The following GCNT3 variants were observed in gnomAD, a reference collection of about 807,000 sequenced individuals.
GCNT3 encodes glucosaminyl (N-acetyl) transferase 3, mucin type.
For synonymous variants in GCNT3, 269 were observed against 195.2 expected (o/e 1.38, Z -3.15); for missense variants, 708 against 530.3 (o/e 1.34, Z -3.29).
Position 59,620,623 on chromosome 15 carries a change from C to T in GCNT3, c.*1068C>T, listed in dbSNP as rs1387668903. The T allele has an allele frequency of 1.8e-5, 3 of 166,990 alleles. No homozygotes were observed. The highest frequency in any genetic ancestry group is 7.2e-5 in the African/African-American group (3 of 41,402). The allele number at this position is 166,990 out of a possible 1,614,324, so 10.3% of individuals were successfully genotyped here. A position where few individuals can be genotyped will look rare whatever the true frequency, so the allele number is the denominator to read the frequency against. On this transcript the variant is annotated 3_prime_UTR_variant, in exon 3 of 3. Coordinates refer to ENST00000396065, the MANE Select transcript of GCNT3 (RefSeq NM_004751.3). ...TTTGACCACCTTTCCTGTACTCTTA[C>T]AGGAAAATCGCAGCACTAATTCTAA...
At position 59,619,365 on chromosome 15, in the gene GCNT3, G is replaced by T. The variant is rs748094489; in HGVS notation, c.1127G>T (p.Gly376Val). 5.0e-6 allele frequency: 8 copies of T among 1,614,084 alleles called. No homozygotes were observed. The South Asian group carries it at 8.8e-5, about 18-fold the overall frequency. Reference sequence around the variant, plus strand: ...GGTCATGAGGGAGACATCGATAAGGGTGCTCCTTATGCTCCCTGCTCTGGA... The same window carrying T: ...GGTCATGAGGGAGACATCGATAAGGTTGCTCCTTATGCTCCCTGCTCTGGA... ...WQGHEGDIDK[G>V]APYAPCSGIH... The change falls in exon 3 of 3, where the codon GGT (glycine) becomes GTT (valine). Residue 376 changes from glycine (G) to valine (V), a missense_variant. Gly to Val is a moderately radical substitution (Grantham distance 109). Coordinates refer to ENST00000396065, the MANE Select transcript of GCNT3 (RefSeq NM_004751.3).
intron 2 of GCNT3, among the ~76,000 whole-genome samples, chr15:59,617,166 TTTTCTTTC>T (rs796635392): frequency 9.9e-5 from 14 of 141,224 alleles, no homozygotes; most frequent in African/African-American, 3.0e-4. Context: ...TTTTCTTTTG[TTTTCTTTC>T]TTTCTTTTTT....
intron 2 of GCNT3, among the ~76,000 whole-genome samples, chr15:59,617,214 C>T (rs140556952): frequency 2.0e-3 from 237 of 118,630 alleles, no homozygotes; most frequent in African/African-American, 6.7e-3. Context: ...TGGTCTTCAT[C>T]GGACAGTGAA....
chr15:59,614,790 C>G (rs2082712093), intron 1 of GCNT3, among the ~76,000 whole-genome samples: 1 of 152,184 alleles, frequency 6.6e-6, no homozygotes, highest in Admixed American at 6.5e-5. Context: ...GCTAATGCAG[C>G]CCAGTAGGTC....
rs1181408267 is a variant in GCNT3, at chr15:59,618,370, C to A, written c.132C>A (p.Ser44=). The change falls in exon 3 of 3, where the codon TCC becomes TCA. Residue 44 remains serine (S), a synonymous_variant. Transcript: ENST00000396065. ...KCDSDHLGLE[S]RESQSQYCRN... is the part of the protein sequence containing the mutation. The stretch of plus-strand genomic sequence containing the variant: ...ACTCTGACCACTTGGGTCTGGAGTC[C>A]AGGGAATCTCAAAGCCAGTACTGTA... The A allele has an allele frequency of 6.2e-7, 1 of 1,613,842 alleles. No individual in the cohort carries two copies. Among genetic ancestry groups the A allele is most frequent in the African/African-American group, 1.3e-5 (1 of 74,884 alleles).
Position 59,621,991 on chromosome 15 carries a change from C to T in GCNT3, c.*2436C>T, listed in dbSNP as rs926584146. 6.6e-6 allele frequency: 1 copy of T among 151,890 alleles called. No homozygotes were observed. Among genetic ancestry groups the T allele is most frequent in the Admixed American group, 6.6e-5 (1 of 15,254 alleles). The allele number at this position is 151,890 out of a possible 1,614,324, so 9.4% of individuals were successfully genotyped here. A position where few individuals can be genotyped will look rare whatever the true frequency, so the allele number is the denominator to read the frequency against. On this transcript the variant is annotated 3_prime_UTR_variant, in exon 3 of 3. Transcript: ENST00000396065. ...GTAACTCTGACAGTTATCACTGTGT[C>T]TGACACAGTGAATTTTTTATTTATA...
Position 59,616,886 on chromosome 15 carries a change from G to T in GCNT3, c.-61+5G>T, listed in dbSNP as rs2082721968. The stretch of plus-strand genomic sequence containing the variant: ...GCAGGAGAGAAGCTACTAAAGGTGA[G>T]AATTTTCTTCATTTTTCATTTTCCT... On this transcript the variant is annotated splice_donor_5th_base_variant and intron_variant, in intron 2 of 2. Coordinates refer to ENST00000396065, the MANE Select transcript of GCNT3 (RefSeq NM_004751.3). 6.6e-6 allele frequency: 1 copy of T among 152,090 alleles called. No individual in the cohort carries two copies. Among genetic ancestry groups the T allele is most frequent in the Non-Finnish European group, 1.5e-5 (1 of 68,024 alleles). The allele number at this position is 152,090 out of a possible 1,614,324, so 9.4% of individuals were successfully genotyped here.
rs772825180 is a variant in GCNT3, at chr15:59,618,502, C to T, written c.264C>T (p.Asn88=). 9 of 1,614,148 alleles carry T rather than the reference C, an allele frequency of 5.6e-6. No individual in the cohort carries two copies. The South Asian group carries it at 8.8e-5, about 16-fold the overall frequency. The change falls in exon 3 of 3, where the codon AAC becomes AAT. Residue 88 remains asparagine, a synonymous_variant. Coordinates refer to ENST00000396065, the MANE Select transcript of GCNT3 (RefSeq NM_004751.3). Reference sequence around the variant, plus strand: ...CAGTGCTTCAGGCTATTCTGAATAACCTGGAGGTCAAGAAGAAGCGAGAGC... The same window carrying T: ...CAGTGCTTCAGGCTATTCTGAATAATCTGGAGGTCAAGAAGAAGCGAGAGC... The part of the protein sequence containing the change: ...QEAVLQAILN[N]LEVKKKREPF...
chr15:59,620,974 C>CCCA lies in GCNT3; in HGVS notation c.*1420_*1422dup, dbSNP rs1890917114. ...TCTTGGCTCACTGAAGCCTCTGCCT[C>CCCA]CCAGGTTCAAGTGATTCTCCCCCCA... is the stretch of plus-strand genomic sequence containing the variant. On this transcript the variant is annotated 3_prime_UTR_variant, in exon 3 of 3. Coordinates refer to ENST00000396065, the MANE Select transcript of GCNT3 (RefSeq NM_004751.3). 1.4e-5 allele frequency: 2 copies of CCCA among 145,028 alleles called. No individual in the cohort carries two copies. Among genetic ancestry groups the CCCA allele is most frequent in the African/African-American group, 5.1e-5 (2 of 39,548 alleles). The allele number at this position is 145,028 out of a possible 1,614,324, so 9.0% of individuals were successfully genotyped here. A position where few individuals can be genotyped will look rare whatever the true frequency, so the allele number is the denominator to read the frequency against.
chr15:59,617,436 G>A (rs1217507745), intron 2 of GCNT3, among the ~76,000 whole-genome samples: 2 of 151,842 alleles, frequency 1.3e-5, no homozygotes, highest in Non-Finnish European at 2.9e-5. Flanking sequence ...TATAAAAGAG[G>A]CTTAATAATA....
intron 2 of GCNT3, among the ~76,000 whole-genome samples, 195 bp downstream of exon 2, chr15:59,617,076 C>A (rs1313223567): frequency 2.0e-5 from 3 of 151,640 alleles, no homozygotes; most frequent in African/African-American, 7.3e-5. Context: ...TACTGATATT[C>A]AGTACCCTTT....
At chr15:59,612,500 T>G (rs1399207566) in intron 1 of GCNT3, among the ~76,000 whole-genome samples, 3 of 152,176 alleles carry the variant, frequency 2.0e-5, no homozygotes, top group Non-Finnish European at 1.5e-5. Flanking sequence ...GGCTGTTGGA[T>G]AAATTTGCTT....
Position 59,619,232 on chromosome 15 carries a change from C to G in GCNT3, c.994C>G (p.Leu332Val). 1 of 1,614,024 alleles carries G rather than the reference C, an allele frequency of 6.2e-7. No individual in the cohort carries two copies. Among genetic ancestry groups the G allele is most frequent in the Non-Finnish European group, 8.5e-7 (1 of 1,179,962 alleles). The change falls in exon 3 of 3, where the codon CTC (leucine) becomes GTC (valine). Residue 332 changes from leucine (L) to valine (V), a missense_variant. Leu to Val is a conservative substitution (Grantham distance 32). Transcript: ENST00000396065. ...VKDTYSPDEH[L>V]WATLQRARWM... ...AGACACTTATAGCCCAGATGAACAC[C>G]TCTGGGCCACCCTTCAGCGTGCACG...
chr15:59,620,735 T>G lies in GCNT3; in HGVS notation c.*1180T>G, dbSNP rs2082743919. The G allele has an allele frequency of 6.0e-6, 1 of 167,022 alleles. No individual in the cohort carries two copies. The highest frequency in any genetic ancestry group is 1.5e-5 in the Non-Finnish European group (1 of 68,116). 10.3% of individuals were successfully genotyped at this position (167,022 alleles called of 1,614,324 possible). On this transcript the variant is annotated 3_prime_UTR_variant, in exon 3 of 3. Coordinates refer to ENST00000396065, the MANE Select transcript of GCNT3 (RefSeq NM_004751.3). ...GGTAAGGTAATGTGTAATTCATTAT[T>G]CAAAGTGGAACATGTTTTTGTAGGG...
rs775565320 is a variant in GCNT3 at position 59,619,174 on chromosome 15, C to A, written c.936C>A (p.Asn312Lys). Reference protein sequence around the residue: ...SRDFVQHVLKNPKSQQLIEWV... With the variant: ...SRDFVQHVLKKPKSQQLIEWV... Reference sequence around the variant, plus strand: ...ATTTCGTCCAACATGTTTTGAAGAACCCTAAATCCCAACAACTGATTGAAT... The same window carrying A: ...ATTTCGTCCAACATGTTTTGAAGAAACCTAAATCCCAACAACTGATTGAAT... Residue 312 changes from asparagine (N) to lysine (K), a missense_variant, in exon 3 of 3, where the codon AAC (asparagine) becomes AAA (lysine). Coordinates refer to ENST00000396065, the MANE Select transcript of GCNT3 (RefSeq NM_004751.3). 6.2e-7 allele frequency: 1 copy of A among 1,613,996 alleles called. No individual in the cohort carries two copies. Among genetic ancestry groups the A allele is most frequent in the East Asian group, 2.2e-5 (1 of 44,884 alleles).
chr15:59,614,875 C>A (rs1450486279), intron 1 of GCNT3, among the ~76,000 whole-genome samples: 2 of 152,156 alleles, frequency 1.3e-5, no homozygotes, highest in African/African-American at 4.8e-5. Context: ...CCCTACATGA[C>A]TTTCTTGTCT....
chr15:59,612,073 T>C (rs1443747668), intron 1 of GCNT3, 92 bp downstream of exon 1: 1 of 152,270 alleles, frequency 6.6e-6, no homozygotes, highest in African/African-American at 2.4e-5. Flanking sequence ...GGCCCTTCTC[T>C]GACGCTGGTG....
intron 2 of GCNT3, chr15:59,617,801 C>A (rs547719846): frequency 6.5e-6 from 1 of 153,604 alleles, no homozygotes; most frequent in Non-Finnish European, 1.4e-5. Context: ...ATGGATTTTT[C>A]TCTCCAGATC....
chr15:59,617,080 A>G (rs1262493523), intron 2 of GCNT3, among the ~76,000 whole-genome samples, 199 bp downstream of exon 2: 3 of 150,052 alleles, frequency 2.0e-5, no homozygotes, highest in Non-Finnish European at 4.4e-5. Context: ...GATATTCAGT[A>G]CCCTTTATTG....
Sources: gnomAD v4.1 joint callset for allele counts (sites outside exome capture counted in the v4.1 genomes callset) on GRCh38, gnomAD v4.1.1 for gene constraint, MANE v1.5 for transcripts, NCBI Gene and HGNC (gene_info 2026-07-23, HGNC 2026-07-21) for gene names.